GLIS3: variants seen among roughly 807,000 people sequenced by gnomAD.
GLIS3 encodes zinc finger protein GLIS3.
A neutral mutation model predicts 78.6 loss-of-function variants in GLIS3; 53 were observed. That is an observed-to-expected ratio of 0.67 (90% CI 0.54 to 0.85). GLIS3 has a LOEUF of 0.85. Among genes scored for constraint, GLIS3 ranks in the 40% least tolerant of loss-of-function variants. The probability of loss-of-function intolerance (pLI) is 0.00; values close to 1 mark genes in which losing one functional copy is unlikely to be tolerated. For missense variants in GLIS3, 1,703 were observed against 1,231.1 expected (o/e 1.38, Z -5.74); for synonymous variants, 684 against 509.9 (o/e 1.34, Z -4.60).
intron 2 of GLIS3, among the ~76,000 whole-genome samples, chr9:4,175,350 G>T (rs1476700668): frequency 6.6e-6 from 1 of 152,178 alleles, no homozygotes; most frequent in African/African-American, 2.4e-5. Context: ...TTGGGCACTG[G>T]GTGAATGGAG....
chr9:4,481,453 C>T, the GLIS3 span, among the ~76,000 whole-genome samples: 1 of 151,854 alleles, frequency 6.6e-6, no homozygotes, highest in Non-Finnish European at 1.5e-5. Flanking sequence ...ACACTCCAGC[C>T]TGGGCAACAG....
In GLIS3 at chr9:4,027,030, G is replaced by A. The variant is rs544999015; in HGVS notation, c.1711-89841C>T. Reference sequence around the variant, plus strand: ...GGAGAGGGAGAAGGAGAGGGAGAGAGCAATGGGGATCCTTTACATGTCAAC... The same window carrying A: ...GGAGAGGGAGAAGGAGAGGGAGAGAACAATGGGGATCCTTTACATGTCAAC... On this transcript the variant is annotated intron_variant, in intron 4 of 10. Transcript: ENST00000381971. Among the ~76,000 whole-genome samples the A allele has an allele frequency of 2.6e-5, 4 of 152,248 alleles. No homozygotes were observed. The East Asian group carries it at 7.7e-4, about 29-fold the overall frequency.
intron 9 of GLIS3, among the ~76,000 whole-genome samples, chr9:3,834,343 C>T (rs1251936816): frequency 6.6e-6 from 1 of 152,194 alleles, no homozygotes; most frequent in Non-Finnish European, 1.5e-5. Flanking sequence ...CCTCTAGGGC[C>T]ATGCTGTCCA....
chr9:4,207,786 T>C (rs1820012939), intron 2 of GLIS3, among the ~76,000 whole-genome samples: 1 of 152,184 alleles, frequency 6.6e-6, no homozygotes, highest in African/African-American at 2.4e-5. Flanking sequence ...TGGGCTTGCA[T>C]CCTTAACCAT....
At chr9:3,973,384 T>G (rs947026112) in intron 4 of GLIS3, among the ~76,000 whole-genome samples, 1 of 152,178 alleles carries the variant, frequency 6.6e-6, no homozygotes, top group African/African-American at 2.4e-5. Context: ...CTAAATTATA[T>G]GGTTGGTCTT....
In GLIS3 at chr9:4,018,476, T is replaced by C. The variant is rs140368809; in HGVS notation, c.1711-81287A>G. ...CACTTGGGGTGTACTTTTCAAGTCA[T>C]TGTTTATCATCTTTGGAATTAAATT... On this transcript the variant is annotated intron_variant, in intron 4 of 10. Transcript: ENST00000381971. Among the ~76,000 whole-genome samples the C allele has an allele frequency of 4.9e-4, 74 of 152,306 alleles. 1 individual carries two copies. In the East Asian group the frequency reaches 0.012, roughly 25 times the overall value.
At chr9:4,158,463 T>C (rs896062781) in intron 2 of GLIS3, among the ~76,000 whole-genome samples, 2 of 152,186 alleles carry the variant, frequency 1.3e-5, no homozygotes, top group African/African-American at 4.8e-5. Context: ...AAGAGCTTCA[T>C]TTACCTAAGC....
chr9:4,113,922 T>G (rs915278807), intron 4 of GLIS3, among the ~76,000 whole-genome samples: 1 of 152,182 alleles, frequency 6.6e-6, no homozygotes, highest in African/African-American at 2.4e-5. Flanking sequence ...CAGTGACATT[T>G]TCATGAAAAT....
At chr9:3,879,216 G>A (rs1220211367) in intron 8 of GLIS3, among the ~76,000 whole-genome samples, 1 of 152,188 alleles carries the variant, frequency 6.6e-6, no homozygotes, top group South Asian at 2.1e-4. Context: ...GCTATTGCCA[G>A]TATCATTTCA....
intron 2 of GLIS3, among the ~76,000 whole-genome samples, chr9:4,227,119 C>T (rs1821838486): frequency 6.6e-6 from 1 of 152,068 alleles, no homozygotes; most frequent in Admixed American, 6.5e-5. Flanking sequence ...TGGGCACGGG[C>T]ACAGAAGGAG....
chr9:4,113,296 A>C (rs1172995461), intron 4 of GLIS3, among the ~76,000 whole-genome samples: 1 of 152,136 alleles, frequency 6.6e-6, no homozygotes, highest in South Asian at 2.1e-4. Flanking sequence ...CAAAAGCAAT[A>C]AACACCTTTT....
chr9:4,295,175 G>A (rs767848445), intron 1 of GLIS3, among the ~76,000 whole-genome samples: 2 of 152,094 alleles, frequency 1.3e-5, no homozygotes, highest in Admixed American at 6.5e-5. Flanking sequence ...CTGAAACCAG[G>A]CACTTACTTT....
intron 4 of GLIS3, among the ~76,000 whole-genome samples, chr9:4,033,796 A>G (rs1824060220): frequency 6.6e-6 from 1 of 151,494 alleles, no homozygotes; most frequent in Non-Finnish European, 1.5e-5. Flanking sequence ...AAGATGAACT[A>G]AAATCCCTTT....
chr9:4,264,780 C>G (rs1232455004), intron 2 of GLIS3, among the ~76,000 whole-genome samples: 1 of 152,194 alleles, frequency 6.6e-6, no homozygotes, highest in African/African-American at 2.4e-5. Flanking sequence ...TATTTACTCA[C>G]TGATTGCTAC....
Position 4,286,417 on chromosome 9 carries a change from TC to T in GLIS3, c.8del (p.Gly3GlufsTer6), listed in dbSNP as rs765684343. 44 of 1,613,950 alleles carry T rather than the reference TC, an allele frequency of 2.7e-5. No individual in the cohort carries two copies. The highest frequency in any genetic ancestry group is 3.6e-5 in the Non-Finnish European group (42 of 1,180,046). MN[G>X]RSCSMSLHRT... ...GGTGGAGACTCATGCTGCATGATCT[TC>T]CATTCATTCTGAAAAACCTGTGGCC... On this transcript the variant is annotated frameshift_variant, in exon 2 of 11. Coordinates refer to ENST00000381971, the MANE Select transcript of GLIS3 (RefSeq NM_001042413.2). LOFTEE classifies it high-confidence loss of function.
chr9:4,482,532 C>A, the GLIS3 span, among the ~76,000 whole-genome samples: 1 of 152,184 alleles, frequency 6.6e-6, no homozygotes, highest in African/African-American at 2.4e-5. Context: ...GACTCTGGTA[C>A]TCCATGACCT....
chr9:4,043,879 G>C (rs1825032722), intron 4 of GLIS3, among the ~76,000 whole-genome samples: 2 of 152,220 alleles, frequency 1.3e-5, no homozygotes, highest in South Asian at 2.1e-4. Flanking sequence ...CACAATGCAA[G>C]TCTTGGGTTG....
At chr9:4,329,447 C>T (rs746340789) in intron 2 of GLIS3, among the ~76,000 whole-genome samples, 3 of 152,122 alleles carry the variant, frequency 2.0e-5, no homozygotes, top group Non-Finnish European at 4.4e-5. Flanking sequence ...AGTGGTATTT[C>T]AAATGCCTTT....
chr9:4,446,496 A>C, the GLIS3 span, among the ~76,000 whole-genome samples: 1 of 150,488 alleles, frequency 6.6e-6, no homozygotes. Context: ...CAGCAGGAAA[A>C]TATCCAAATT....
Sources: allele counts gnomAD v4.1 joint callset (sites outside exome capture counted in the v4.1 genomes callset), GRCh38; gene constraint gnomAD v4.1.1; transcripts MANE v1.5; gene names NCBI Gene and HGNC (gene_info 2026-07-23, HGNC 2026-07-21).